The following N4BP2L1 variants were observed in gnomAD, a reference collection of about 807,000 sequenced individuals.
The protein encoded by N4BP2L1 is NEDD4-binding protein 2-like 1.
N4BP2L1 carries 12 observed loss-of-function variants against 21.2 expected under a neutral mutation model. The ratio of observed to expected loss-of-function variants is 0.57; its 90% confidence interval spans 0.36 to 0.92. N4BP2L1 has a LOEUF of 0.92. Among genes scored for constraint, N4BP2L1 ranks in the 40% least tolerant of loss-of-function variants. The pLI is 0.01. For synonymous variants in N4BP2L1, 104 were observed against 112.8 expected, an observed-to-expected ratio of 0.92 and a Z score of 0.49; for missense variants, 259 against 310.6, an observed-to-expected ratio of 0.83 and a Z score of 1.25.
chr13:32,426,250 C>T (rs985378116), intron 1 of N4BP2L1, among the ~76,000 whole-genome samples: 1 of 152,152 alleles, frequency 6.6e-6, no homozygotes, highest in Non-Finnish European at 1.5e-5. Flanking sequence ...GTCTCTTTGA[C>T]ACTCAGTATG....
chr13:32,420,797 G>C (rs1285345845), intron 1 of N4BP2L1, among the ~76,000 whole-genome samples: 1 of 152,148 alleles, frequency 6.6e-6, no homozygotes, highest in Non-Finnish European at 1.5e-5. Flanking sequence ...AGGTTCAAGT[G>C]ATTCTCCTGC....
intron 1 of N4BP2L1, chr13:32,420,353 G>T (rs1301441560): frequency 1.3e-5 from 2 of 152,218 alleles, no homozygotes; most frequent in Admixed American, 1.3e-4. Flanking sequence ...AATTGGGGAA[G>T]GAATCAGGCA....
At chr13:32,412,618 G>A (rs1296000876) in intron 1 of N4BP2L1, among the ~76,000 whole-genome samples, 1 of 148,078 alleles carries the variant, frequency 6.8e-6, no homozygotes, top group Non-Finnish European at 1.5e-5. Flanking sequence ...AGGTGACAGA[G>A]CGAAACTCTG....
chr13:32,412,987 G>A (rs757665608), intron 1 of N4BP2L1, among the ~76,000 whole-genome samples: 36 of 152,108 alleles, frequency 2.4e-4, no homozygotes, highest in Non-Finnish European at 5.1e-4. Context: ...GCAGTGGCAC[G>A]ATCTCGGCTC....
intron 1 of N4BP2L1, chr13:32,425,008 C>T (rs986244298): frequency 6.6e-6 from 1 of 151,964 alleles, no homozygotes; most frequent in Non-Finnish European, 1.5e-5. Context: ...TTGTAAAAAG[C>T]GATTTCCTCC....
At chr13:32,426,267 G>T (rs943622093) in intron 1 of N4BP2L1, among the ~76,000 whole-genome samples, 26 of 152,118 alleles carry the variant, frequency 1.7e-4, no homozygotes, top group African/African-American at 6.3e-4. Context: ...TATGAGGCAG[G>T]CCACAGATCA....
In N4BP2L1 at chr13:32,410,551, C is replaced by T. The variant is rs2073800537; in HGVS notation, c.180-2779G>A. Among the ~76,000 whole-genome samples the T allele has an allele frequency of 3.3e-5, 5 of 152,236 alleles. No homozygotes were observed. In the South Asian group the frequency reaches 1.0e-3, roughly 32 times the overall value. On this transcript the variant is annotated intron_variant, in intron 1 of 4. Transcript: ENST00000380130. Reference sequence around the variant, plus strand: ...TTGATGAACCAGTGCTCATAGTTTCCGTATGAATGTCTGTTATTCGACTTC... The same window carrying T: ...TTGATGAACCAGTGCTCATAGTTTCTGTATGAATGTCTGTTATTCGACTTC...
chr13:32,408,059 A>C (rs1290951196), intron 1 of N4BP2L1, among the ~76,000 whole-genome samples: 4 of 152,216 alleles, frequency 2.6e-5, no homozygotes, highest in Admixed American at 6.5e-5. Context: ...GAACTGACTC[A>C]AGAAGAAACT....
At chr13:32,427,840 G>T in intron 1 of N4BP2L1, 64 bp downstream of exon 1, 1 of 1,162,030 alleles carries the variant, frequency 8.6e-7, no homozygotes, top group Non-Finnish European at 1.1e-6. Context: ...GGGCAGGGGT[G>T]CGCTCGGCCG....
intron 3 of N4BP2L1, chr13:32,406,501 C>T (rs1413273292): frequency 6.6e-6 from 1 of 151,920 alleles, no homozygotes; most frequent in Non-Finnish European, 1.5e-5. Context: ...TGGAATTTCA[C>T]TCTTGTCACC....
chr13:32,423,594 GA>G (rs2074602510), intron 1 of N4BP2L1, among the ~76,000 whole-genome samples: 1 of 152,156 alleles, frequency 6.6e-6, no homozygotes, highest in Non-Finnish European at 1.5e-5. Flanking sequence ...ATATTTTATT[GA>G]GATACAAAAA....
chr13:32,422,357 G>GCTCT (rs10700066), intron 1 of N4BP2L1, among the ~76,000 whole-genome samples: 40,111 of 151,736 alleles, frequency 0.26, 5,753 homozygotes, highest in South Asian at 0.4. Flanking sequence ...CACAAAAAAA[G>GCTCT]CTGTTAGAAA....
At chr13:32,412,608 A>C (rs627926) in intron 1 of N4BP2L1, among the ~76,000 whole-genome samples, 1 of 150,236 alleles carries the variant, frequency 6.7e-6, no homozygotes. Flanking sequence ...GCTCCAGCCT[A>C]GGTGACAGAG....
chr13:32,419,895 A>C (rs1476097420), intron 1 of N4BP2L1, among the ~76,000 whole-genome samples: 3 of 152,214 alleles, frequency 2.0e-5, no homozygotes, highest in Non-Finnish European at 4.4e-5. Context: ...GGGAGATAGA[A>C]AACAGATTCC....
chr13:32,428,781 G>T (rs1290161192), upstream of N4BP2L1, among the ~76,000 whole-genome samples: 3 of 152,266 alleles, frequency 2.0e-5, no homozygotes, highest in African/African-American at 4.8e-5. Flanking sequence ...CCAGGTACCT[G>T]CCCTGTTGCC....
intron 1 of N4BP2L1, among the ~76,000 whole-genome samples, chr13:32,422,537 A>G (rs2074541315): frequency 6.6e-6 from 1 of 152,168 alleles, no homozygotes; most frequent in South Asian, 2.1e-4. Flanking sequence ...CTCTCGGGTC[A>G]TAATCCACAC....
intron 3 of N4BP2L1, among the ~76,000 whole-genome samples, chr13:32,405,707 C>G (rs940675559): frequency 3.3e-5 from 5 of 152,122 alleles, no homozygotes; most frequent in African/African-American, 1.2e-4. Context: ...GCCCCACAAT[C>G]TGGGCATAAG....
At chr13:32,404,855 A>C (rs905890850) in intron 3 of N4BP2L1, among the ~76,000 whole-genome samples, 7 of 152,044 alleles carry the variant, frequency 4.6e-5, no homozygotes, top group African/African-American at 1.7e-4. Context: ...CATACTTCAC[A>C]TCATCTTCCT....
chr13:32,419,430 TTTTTTTTTTTTTTTTTTG>T (rs2074342535), intron 1 of N4BP2L1: 1 of 129,844 alleles, frequency 7.7e-6, no homozygotes, highest in South Asian at 6.0e-5. Flanking sequence ...TTTTTTTTTT[TTTTTTTTTTTTTTTTTTG>T]TATTTTACAG....
Sources: gnomAD v4.1 joint callset for allele counts (sites outside exome capture counted in the v4.1 genomes callset) on GRCh38, gnomAD v4.1.1 for gene constraint, MANE v1.5 for transcripts, NCBI Gene and HGNC (gene_info 2026-07-23, HGNC 2026-07-21) for gene names.